DLC1: variants seen among roughly 807,000 people sequenced by gnomAD.
DLC1 encodes the protein DLC1 Rho GTPase activating protein, also known as rho GTPase-activating protein 7.
A neutral mutation model predicts 140.3 loss-of-function variants in DLC1; 54 were observed. That is an observed-to-expected ratio of 0.38 (90% CI 0.31 to 0.48). DLC1 has a LOEUF of 0.48. DLC1 is among the 20% of genes least tolerant of loss of function. The pLI is 0.96. For synonymous variants in DLC1, 986 were observed against 728.1 expected, an observed-to-expected ratio of 1.35 and a Z score of -5.70; for missense variants, 2,536 against 1,907.0, an observed-to-expected ratio of 1.33 and a Z score of -6.14.
intron 4 of DLC1, among the ~76,000 whole-genome samples, chr8:13,320,691 T>G (rs1049937134): frequency 2.0e-5 from 3 of 151,912 alleles, no homozygotes; most frequent in African/African-American, 4.8e-5. Context: ...TGAGGTCTGG[T>G]TCTATTAGTT....
intron 4 of DLC1, among the ~76,000 whole-genome samples, chr8:13,361,694 T>C (rs778770160): frequency 6.6e-6 from 1 of 152,314 alleles, no homozygotes; most frequent in Admixed American, 6.5e-5. Context: ...CTGGACAAGA[T>C]ATTTATGAAC....
At chr8:13,483,879 C>T (rs573864808) in intron 2 of DLC1, among the ~76,000 whole-genome samples, 3 of 151,958 alleles carry the variant, frequency 2.0e-5, no homozygotes, top group Non-Finnish European at 2.9e-5. Flanking sequence ...GTCAGGAGTT[C>T]GAGATCAGCC....
chr8:13,597,333 G>A (rs996619671), intron 1 of DLC1, among the ~76,000 whole-genome samples: 3 of 151,956 alleles, frequency 2.0e-5, no homozygotes, highest in African/African-American at 4.8e-5. Flanking sequence ...TTCCAAAGAC[G>A]TGAACCGTAT....
At chr8:13,162,125 G>C (rs765064282) in intron 5 of DLC1, among the ~76,000 whole-genome samples, 1 of 152,130 alleles carries the variant, frequency 6.6e-6, no homozygotes, top group Admixed American at 6.6e-5. Flanking sequence ...TATATAGAGT[G>C]GCTGCCTCAA....
intron 5 of DLC1, among the ~76,000 whole-genome samples, chr8:13,183,237 A>C (rs990144070): frequency 3.3e-5 from 5 of 152,102 alleles, no homozygotes; most frequent in Non-Finnish European, 7.3e-5. Context: ...GGGTTTTCTA[A>C]ATATACAATC....
intron 5 of DLC1, among the ~76,000 whole-genome samples, chr8:13,135,685 T>C (rs988324109): frequency 6.6e-6 from 1 of 152,200 alleles, no homozygotes; most frequent in Non-Finnish European, 1.5e-5. Flanking sequence ...CAGAATAAGT[T>C]CTTAATATTT....
At chr8:13,506,704 C>T (rs1189445293) in intron 1 of DLC1, among the ~76,000 whole-genome samples, 1 of 151,252 alleles carries the variant, frequency 6.6e-6, no homozygotes, top group Non-Finnish European at 1.5e-5. Context: ...CATAAAACAG[C>T]TATCGCATAG....
intron 5 of DLC1, among the ~76,000 whole-genome samples, chr8:13,249,855 C>A (rs989146540): frequency 2.0e-5 from 3 of 152,190 alleles, no homozygotes; most frequent in Non-Finnish European, 2.9e-5. Context: ...CTCCATGTGA[C>A]AAGTCTCCAC....
chr8:13,257,711 C>T lies in DLC1; in HGVS notation c.1348+47558G>A, dbSNP rs187655565. ...ATGTTGACTTTGTTTATGTCAACTACGGAAAAGAAGAAAAAAAAAAAAACC... is the reference window on the plus strand; with the variant it reads ...ATGTTGACTTTGTTTATGTCAACTATGGAAAAGAAGAAAAAAAAAAAAACC... On this transcript the variant is annotated intron_variant, in intron 5 of 17. Coordinates refer to ENST00000276297, the MANE Select transcript of DLC1 (RefSeq NM_182643.3). 3.6e-3 allele frequency among the ~76,000 whole-genome samples: 367 copies of T among 101,724 alleles called. 4 individuals carry two copies. Among genetic ancestry groups the T allele is most frequent in the African/African-American group, 0.015 (344 of 23,704 alleles). 66.7% of individuals were successfully genotyped at this position (101,724 alleles called of 152,430 possible).
At chr8:13,503,595 C>CT (rs1361966432) in intron 1 of DLC1, among the ~76,000 whole-genome samples, 4 of 152,160 alleles carry the variant, frequency 2.6e-5, no homozygotes, top group Non-Finnish European at 5.9e-5. Flanking sequence ...ATTACTACTG[C>CT]TGATTCTACA....
chr8:13,207,680 G>T (rs1217664159), intron 5 of DLC1, among the ~76,000 whole-genome samples: 2 of 152,120 alleles, frequency 1.3e-5, no homozygotes, highest in African/African-American at 4.8e-5. Context: ...CTCAGTTGGA[G>T]TGATCTTTCT....
chr8:13,316,353 T>A (rs1451908725), intron 4 of DLC1, among the ~76,000 whole-genome samples: 16 of 152,200 alleles, frequency 1.1e-4, no homozygotes, highest in Admixed American at 2.0e-4. Flanking sequence ...TAGGTGAGTT[T>A]TATACAATAC....
intron 5 of DLC1, among the ~76,000 whole-genome samples, chr8:13,188,034 C>T (rs1826487199): frequency 6.6e-6 from 1 of 151,062 alleles, no homozygotes; most frequent in Admixed American, 6.6e-5. Flanking sequence ...GGTTGCTATA[C>T]AGAATCCAGG....
At chr8:13,370,582 G>A (rs781138717) in intron 4 of DLC1, among the ~76,000 whole-genome samples, 13 of 152,156 alleles carry the variant, frequency 8.5e-5, no homozygotes, top group Non-Finnish European at 1.8e-4. Flanking sequence ...CCCATAAAGG[G>A]CCTAAGCATA....
intron 1 of DLC1, among the ~76,000 whole-genome samples, chr8:13,582,226 G>GA (rs1805128047): frequency 6.6e-6 from 1 of 152,154 alleles, no homozygotes; most frequent in Admixed American, 6.5e-5. Flanking sequence ...CTGGCAGTGA[G>GA]AAAAAACAAA....
intron 4 of DLC1, among the ~76,000 whole-genome samples, chr8:13,360,295 A>G (rs1458731747): frequency 1.3e-5 from 2 of 152,234 alleles, no homozygotes; most frequent in African/African-American, 2.4e-5. Context: ...TTAGAATCAC[A>G]TGGAGAAATT....
chr8:13,597,203 C>A lies in DLC1; in HGVS notation c.-126+7334G>T, dbSNP rs189773017. 2.6e-4 allele frequency among the ~76,000 whole-genome samples: 40 copies of A among 152,144 alleles called. No individual in the cohort carries two copies. In the East Asian group the frequency reaches 7.4e-3, roughly 28 times the overall value. ...CTAACATTCAGAATCAGAATGCCCA[C>A]ACTTAATTTGTAAAATAAATGAAAG... On this transcript the variant is annotated intron_variant, in intron 1 of 1. Coordinates refer to the DLC1 transcript ENST00000631382.
At chr8:13,305,631 G>A (rs1365618697) in intron 4 of DLC1, among the ~76,000 whole-genome samples, 1 of 152,170 alleles carries the variant, frequency 6.6e-6, no homozygotes, top group Non-Finnish European at 1.5e-5. Flanking sequence ...GAGCCCAGGA[G>A]TTTGAGACCA....
chr8:13,452,842 A>G (rs977782264), intron 2 of DLC1, among the ~76,000 whole-genome samples: 1 of 152,216 alleles, frequency 6.6e-6, no homozygotes, highest in Non-Finnish European at 1.5e-5. Flanking sequence ...ATACTCTAAC[A>G]TCAAAATATT....
Sources: allele counts gnomAD v4.1 joint callset (sites outside exome capture counted in the v4.1 genomes callset), GRCh38; gene constraint gnomAD v4.1.1; transcripts MANE v1.5; gene names NCBI Gene and HGNC (gene_info 2026-07-23, HGNC 2026-07-21).